GRM5: variants seen among roughly 807,000 people sequenced by gnomAD.
GRM5 encodes metabotropic glutamate receptor 5.
In GRM5, 19 loss-of-function variants were observed where a neutral mutation model predicts 83.1. The observed-to-expected ratio is 0.23, with a 90% CI of 0.16 to 0.34. The LOEUF (loss-of-function observed/expected upper bound fraction) is 0.34. Ranked by LOEUF, GRM5 falls within the 10% of genes least tolerant of loss-of-function variation. GRM5 has a pLI of 1.00. For missense variants in GRM5, 1,160 were observed against 1,588.3 expected (o/e 0.73, Z 4.58); for synonymous variants, 675 against 633.6 (o/e 1.07, Z -0.98).
At chr11:88,768,786 T>C (rs186407906) in intron 3 of GRM5, among the ~76,000 whole-genome samples, 1 of 151,952 alleles carries the variant, frequency 6.6e-6, no homozygotes, top group East Asian at 1.9e-4. Context: ...TGAGGAGTTA[T>C]TGAAGATGGA....
chr11:88,953,702 T>C (rs1168914974), intron 2 of GRM5, among the ~76,000 whole-genome samples: 3 of 151,926 alleles, frequency 2.0e-5, no homozygotes, highest in African/African-American at 7.2e-5. Flanking sequence ...TGTTGGATAC[T>C]TAATTCTAAT....
intron 5 of GRM5, among the ~76,000 whole-genome samples, chr11:88,599,318 T>G (rs2135222436): frequency 6.6e-6 from 1 of 152,342 alleles, no homozygotes; most frequent in East Asian, 1.9e-4. Context: ...CTCAATAAAC[T>G]TGTTATAATT....
At chr11:88,744,790 C>T (rs536476674) in intron 3 of GRM5, among the ~76,000 whole-genome samples, 40 of 152,148 alleles carry the variant, frequency 2.6e-4, no homozygotes, top group African/African-American at 8.4e-4. Flanking sequence ...GAAGTACTTT[C>T]GAGAATCTAA....
intron 3 of GRM5, among the ~76,000 whole-genome samples, chr11:88,777,108 TC>T (rs1233924875): frequency 6.6e-6 from 1 of 152,198 alleles, no homozygotes; most frequent in African/African-American, 2.4e-5. Flanking sequence ...TTTCACATAG[TC>T]CCATAGTTCT....
In GRM5 at chr11:88,877,583, C is replaced by A. The variant is rs946662100; in HGVS notation, c.662-27428G>T. Among the ~76,000 whole-genome samples, 4 of 151,880 alleles carry A rather than the reference C, an allele frequency of 2.6e-5. No homozygotes were observed. The South Asian group carries it at 6.2e-4, about 24-fold the overall frequency. ...ATCCCAGCACTTTGGGAGGCCAAAG[C>A]AGATGTATGGATGTATGGCTTGGGC... On this transcript the variant is annotated intron_variant, in intron 2 of 9. Coordinates refer to ENST00000305447, the MANE Select transcript of GRM5 (RefSeq NM_001143831.3).
chr11:88,565,058 A>C (rs1942845075), intron 8 of GRM5, among the ~76,000 whole-genome samples: 1 of 152,192 alleles, frequency 6.6e-6, no homozygotes, highest in African/African-American at 2.4e-5. Context: ...GGCAGACACT[A>C]TACACATGTT....
At chr11:89,039,790 T>C (rs1941485007) in intron 2 of GRM5, among the ~76,000 whole-genome samples, 1 of 152,174 alleles carries the variant, frequency 6.6e-6, no homozygotes, top group South Asian at 2.1e-4. Flanking sequence ...TGGGCTACTC[T>C]CCTTTGAACA....
chr11:88,656,950 G>T (rs1054824379), intron 3 of GRM5, among the ~76,000 whole-genome samples: 12 of 152,034 alleles, frequency 7.9e-5, no homozygotes, highest in Non-Finnish European at 8.8e-5. Context: ...TTAGATTTTG[G>T]TATTGGTGGG....
At chr11:88,531,202 G>A (rs917629704) in intron 8 of GRM5, among the ~76,000 whole-genome samples, 2 of 152,104 alleles carry the variant, frequency 1.3e-5, no homozygotes, top group Non-Finnish European at 2.9e-5. Context: ...TGAAACACGT[G>A]ATATGGAAGA....
At chr11:88,610,798 A>G (rs1481075135) in intron 4 of GRM5, among the ~76,000 whole-genome samples, 1 of 152,100 alleles carries the variant, frequency 6.6e-6, no homozygotes, top group African/African-American at 2.4e-5. Flanking sequence ...TCTTGTTCCA[A>G]TTCTCAGAAG....
chr11:88,669,530 C>G (rs1940140042), intron 3 of GRM5, among the ~76,000 whole-genome samples: 1 of 151,788 alleles, frequency 6.6e-6, no homozygotes, highest in Non-Finnish European at 1.5e-5. Flanking sequence ...AAGAATAATG[C>G]AATTATTTAC....
At chr11:89,046,163 G>A (rs1941638311) in intron 2 of GRM5, among the ~76,000 whole-genome samples, 1 of 152,158 alleles carries the variant, frequency 6.6e-6, no homozygotes, top group East Asian at 1.9e-4. Flanking sequence ...CCTTGCATAT[G>A]TATTTGTGCA....
At chr11:89,043,983 G>A (rs1467532353) in intron 2 of GRM5, among the ~76,000 whole-genome samples, 1 of 152,100 alleles carries the variant, frequency 6.6e-6, no homozygotes, top group East Asian at 1.9e-4. Flanking sequence ...AAAGTAAAAG[G>A]GAATTATCAA....
chr11:88,930,250 A>T (rs1565297241), intron 2 of GRM5, among the ~76,000 whole-genome samples: 2 of 136,198 alleles, frequency 1.5e-5, no homozygotes, highest in Non-Finnish European at 3.4e-5. Flanking sequence ...GTTCACCAAA[A>T]TTAAAAAAAA....
intron 3 of GRM5, among the ~76,000 whole-genome samples, chr11:88,728,078 C>G (rs10765716): frequency 1.3e-5 from 2 of 151,800 alleles, no homozygotes; most frequent in East Asian, 1.9e-4. Flanking sequence ...AAAAAATCAG[C>G]GAATCCAGGA....
chr11:88,717,654 T>C (rs1420187395), intron 3 of GRM5, among the ~76,000 whole-genome samples: 2 of 151,840 alleles, frequency 1.3e-5, no homozygotes, highest in African/African-American at 4.8e-5. Flanking sequence ...TATGTAATTA[T>C]GTTTCTGAAT....
intron 7 of GRM5, among the ~76,000 whole-genome samples, chr11:88,574,562 T>G (rs187618546): frequency 2.6e-5 from 4 of 151,604 alleles, no homozygotes; most frequent in Non-Finnish European, 5.9e-5. Flanking sequence ...AGGTCAGGAG[T>G]TCAAGACAAG....
At chr11:88,820,747 T>C (rs12283636) in intron 3 of GRM5, among the ~76,000 whole-genome samples, 3,882 of 152,336 alleles carry the variant, frequency 0.025, 174 homozygotes, top group African/African-American at 0.089. Flanking sequence ...CTTGTTTTGT[T>C]ATCATCTCAC....
chr11:89,036,563 A>G (rs1375177490), intron 2 of GRM5, among the ~76,000 whole-genome samples: 2 of 151,984 alleles, frequency 1.3e-5, no homozygotes, highest in Non-Finnish European at 2.9e-5. Flanking sequence ...TTTTCAAAAC[A>G]ATCTTATAGG....
Sources: gnomAD v4.1 joint callset for allele counts (sites outside exome capture counted in the v4.1 genomes callset) on GRCh38, gnomAD v4.1.1 for gene constraint, MANE v1.5 for transcripts, NCBI Gene and HGNC (gene_info 2026-07-23, HGNC 2026-07-21) for gene names.